Variants in BRIP1 observed in about 807,000 individuals in gnomAD.
The protein encoded by BRIP1 is BRCA1 interacting DNA helicase 1.
A neutral mutation model predicts 119.7 loss-of-function variants in BRIP1; 88 were observed. The observed-to-expected ratio is 0.74, with a 90% CI of 0.62 to 0.88. The LOEUF is 0.88. BRIP1 is among the 40% of genes least tolerant of loss of function. BRIP1 has a pLI of 0.00. For missense variants in BRIP1, 1,259 were observed against 1,455.4 expected (o/e 0.87, Z 2.20); for synonymous variants, 443 against 496.5 (o/e 0.89, Z 1.43).
chr17:61,808,633 C>T lies in BRIP1; in HGVS notation c.752G>A (p.Arg251His), dbSNP rs780834054. ...AATCTGAGCAATCTGCTTGTGTGTG[C>T]GTGTCCCAAAATATATTTTGGGTAT... is the stretch of plus-strand genomic sequence containing the variant. ...SKIPKIYFGTRTHKQIAQITR... is the reference protein window; with the variant it reads ...SKIPKIYFGTHTHKQIAQITR... Residue 251 changes from arginine (R) to histidine (H), a missense_variant, in exon 7 of 20, where the codon CGC (arginine) becomes CAC (histidine). By Grantham distance (29) the Arg-to-His change is conservative (BLOSUM62 0). Coordinates refer to ENST00000259008, the MANE Select transcript of BRIP1 (RefSeq NM_032043.3). This position sits in a 1 kb window ranked among gnomAD's most constrained non-coding sequence, Gnocchi z 4.1. 16 of 1,613,738 alleles carry T rather than the reference C, an allele frequency of 9.9e-6. No individual in the cohort carries two copies. Among genetic ancestry groups the T allele is most frequent in the East Asian group, 2.2e-5 (1 of 44,872 alleles).
Position 61,720,509 on chromosome 17 carries a change from GGTCAACT to G in BRIP1, c.2380-4453_2380-4447del, listed in dbSNP as rs2061956000. Among the ~76,000 whole-genome samples, 1 of 152,036 alleles carries G rather than the reference GGTCAACT, an allele frequency of 6.6e-6. No homozygotes were observed. The highest frequency in any genetic ancestry group is 1.5e-5 in the Non-Finnish European group (1 of 68,014). On this transcript the variant is annotated intron_variant, in intron 16 of 19. Coordinates refer to ENST00000259008, the MANE Select transcript of BRIP1 (RefSeq NM_032043.3). The surrounding 1 kb of genome is among the most constrained non-coding windows in gnomAD (Gnocchi z 4.3). Reference sequence around the variant, plus strand: ...ATCTGCAGTGGTTTAAGTTAACTGCGGTCAACTGTGGTCCAAAAATATTAAATAAAAA... The same window carrying G: ...ATCTGCAGTGGTTTAAGTTAACTGCGGTGGTCCAAAAATATTAAATAAAAA...
chr17:61,688,503 T>C (rs904928452), intron 18 of BRIP1, among the ~76,000 whole-genome samples: 11 of 151,548 alleles, frequency 7.3e-5, no homozygotes, highest in Admixed American at 7.2e-4. Flanking sequence ...ACCAAGCAAA[T>C]ATTTCTAATA....
rs2061607303 is a variant in BRIP1 at position 61,701,093 on chromosome 17, T to C, written c.2493-7581A>G. The stretch of plus-strand genomic sequence containing the variant: ...TGACACAGTTTGCTTAGTTATTGAA[T>C]GTATTTGAACTAGCTTTCTCTCCTA... On this transcript the variant is annotated intron_variant, in intron 17 of 19. Transcript: ENST00000259008. The surrounding 1 kb of genome is among the most constrained non-coding windows in gnomAD (Gnocchi z 5.1). Among the ~76,000 whole-genome samples the C allele has an allele frequency of 6.6e-6, 1 of 152,198 alleles. No individual in the cohort carries two copies. The highest frequency in any genetic ancestry group is 1.9e-4 in the East Asian group (1 of 5,198).
At chr17:61,694,253 A>G (rs1477043310) in intron 17 of BRIP1, among the ~76,000 whole-genome samples, 1 of 152,092 alleles carries the variant, frequency 6.6e-6, no homozygotes, top group Non-Finnish European at 1.5e-5. Flanking sequence ...AATTATCCCA[A>G]TTATTCCCCA....
In BRIP1 at chr17:61,848,714, C is replaced by T. The variant is rs1603362340; in HGVS notation, c.507+415G>A. Among the ~76,000 whole-genome samples the T allele has an allele frequency of 2.0e-5, 3 of 152,176 alleles. No individual in the cohort carries two copies. Among genetic ancestry groups the T allele is most frequent in the Admixed American group, 6.5e-5 (1 of 15,278 alleles). ...CAATCTTAAAAACTCAGTAAGAATA[C>T]ATCTTGTCATTACATTAAAACTATC... is the stretch of plus-strand genomic sequence containing the variant. On this transcript the variant is annotated intron_variant, in intron 5 of 19. Transcript: ENST00000259008. This position sits in a 1 kb window ranked among gnomAD's most constrained non-coding sequence, Gnocchi z 4.3.
chr17:61,727,513 T>C (rs1376050920), intron 16 of BRIP1, among the ~76,000 whole-genome samples: 2 of 152,050 alleles, frequency 1.3e-5, no homozygotes, highest in Non-Finnish European at 2.9e-5. Context: ...ACGTTTATAA[T>C]CCCAGCACTT....
Position 61,827,491 on chromosome 17 carries a change from G to A in BRIP1, c.628-18734C>T, listed in dbSNP as rs2078427490. The stretch of plus-strand genomic sequence containing the variant: ...CACCTGTAATCTCAGTACTTTGAGA[G>A]GTAAGGCAGGAGGATCACTTGAGAC... On this transcript the variant is annotated intron_variant, in intron 6 of 19. Transcript: ENST00000259008. This position sits in a 1 kb window ranked among gnomAD's most constrained non-coding sequence, Gnocchi z 5.8. Among the ~76,000 whole-genome samples, 1 of 152,184 alleles carries A rather than the reference G, an allele frequency of 6.6e-6. No homozygotes were observed. The highest frequency in any genetic ancestry group is 6.5e-5 in the Admixed American group (1 of 15,270).
intron 14 of BRIP1, among the ~76,000 whole-genome samples, chr17:61,749,973 A>T (rs2077110607): frequency 6.6e-6 from 1 of 152,222 alleles, no homozygotes. Flanking sequence ...TCTGTAAATA[A>T]GGACAATTTT....
At position 61,845,978 on chromosome 17, in the gene BRIP1, C is replaced by G. The variant is rs1484775141; in HGVS notation, c.627+1123G>C. ...TGGGCGGATCACGAGGTCAGAAGAT[C>G]GAGACCATCCTGGCTAACGTGGTGA... On this transcript the variant is annotated intron_variant, in intron 6 of 19. Coordinates refer to ENST00000259008, the MANE Select transcript of BRIP1 (RefSeq NM_032043.3). This position sits in a 1 kb window ranked among gnomAD's most constrained non-coding sequence, Gnocchi z 4.2. 1.3e-5 allele frequency among the ~76,000 whole-genome samples: 2 copies of G among 151,762 alleles called. No individual in the cohort carries two copies. The highest frequency in any genetic ancestry group is 4.8e-5 in the African/African-American group (2 of 41,300).
intron 16 of BRIP1, among the ~76,000 whole-genome samples, chr17:61,727,406 T>C (rs971752751): frequency 2.0e-5 from 3 of 152,182 alleles, no homozygotes; most frequent in African/African-American, 7.2e-5. Flanking sequence ...TAAAACTTTA[T>C]TACCACCACA....
At chr17:61,698,509 T>C (rs2061561478) in intron 17 of BRIP1, among the ~76,000 whole-genome samples, 1 of 152,146 alleles carries the variant, frequency 6.6e-6, no homozygotes, top group Admixed American at 6.5e-5. Flanking sequence ...TTTGTAGTTG[T>C]TGGTTTGTAG....
intron 6 of BRIP1, among the ~76,000 whole-genome samples, chr17:61,820,969 A>C (rs2145534038): frequency 6.6e-6 from 1 of 151,740 alleles, no homozygotes; most frequent in Non-Finnish European, 1.5e-5. Context: ...AAAAGAAAGA[A>C]AGAAAGAAAG....
chr17:61,782,684 A>C (rs956428914), intron 11 of BRIP1, among the ~76,000 whole-genome samples: 1 of 141,386 alleles, frequency 7.1e-6, no homozygotes, highest in Non-Finnish European at 1.5e-5. Flanking sequence ...CCAATAATTC[A>C]AAAGTGGGCA....
Position 61,699,235 on chromosome 17 carries a change from T to C in BRIP1, c.2493-5723A>G, listed in dbSNP as rs1015876105. ...AATCCATTCAGCCAAACTTTGCCTT[T>C]AGATTGGAGTATTTAATCCATTTAC... On this transcript the variant is annotated intron_variant, in intron 17 of 19. Transcript: ENST00000259008. The surrounding 1 kb of genome is among the most constrained non-coding windows in gnomAD (Gnocchi z 4.8). 6.6e-6 allele frequency among the ~76,000 whole-genome samples: 1 copy of C among 152,214 alleles called. No homozygotes were observed. Among genetic ancestry groups the C allele is most frequent in the Non-Finnish European group, 1.5e-5 (1 of 68,040 alleles).
At position 61,679,412 on chromosome 17, in the gene BRIP1, A is replaced by G. The variant is rs2061249131; in HGVS notation, c.*3884T>C. Among the ~76,000 whole-genome samples the G allele has an allele frequency of 6.6e-6, 1 of 152,154 alleles. No individual in the cohort carries two copies. The highest frequency in any genetic ancestry group is 2.1e-4 in the South Asian group (1 of 4,830). ...ACTCTTTACATTGTACCTTTATTCC[A>G]AGAATAAAGCCCTGTCTCTAACTGG... On this transcript the variant is annotated 3_prime_UTR_variant, in exon 20 of 20. Coordinates refer to ENST00000259008, the MANE Select transcript of BRIP1 (RefSeq NM_032043.3). The surrounding 1 kb of genome is among the most constrained non-coding windows in gnomAD (Gnocchi z 4.4).
rs764061653 is a variant in BRIP1, at chr17:61,744,440, C to A, written c.2249G>T (p.Gly750Val). Residue 750 changes from glycine to valine, a missense_variant, in exon 15 of 20, where the codon GGA becomes GTA. Physicochemically the swap from Gly to Val is moderately radical, Grantham distance 109 (BLOSUM62 -3). Transcript: ENST00000259008. This position sits in a 1 kb window ranked among gnomAD's most constrained non-coding sequence, Gnocchi z 5.0. ...QVYYDAIKYK[G>V]EKDGALLVAV... ...AAATAATTTCCAGTTACCTTTCTCT[C>A]CTTTGTATTTGATTGCGTCATAGTA... The A allele has an allele frequency of 1.2e-6, 2 of 1,613,798 alleles. No homozygotes were observed. Among genetic ancestry groups the A allele is most frequent in the South Asian group, 2.2e-5 (2 of 91,046 alleles).
In BRIP1 at chr17:61,689,413, C is replaced by T. The variant is rs2061414635; in HGVS notation, c.2576-3248G>A. Among the ~76,000 whole-genome samples the T allele has an allele frequency of 6.6e-6, 1 of 152,102 alleles. No homozygotes were observed. The highest frequency in any genetic ancestry group is 1.5e-5 in the Non-Finnish European group (1 of 68,012). On this transcript the variant is annotated intron_variant, in intron 18 of 19. Coordinates refer to ENST00000259008, the MANE Select transcript of BRIP1 (RefSeq NM_032043.3). This position sits in a 1 kb window ranked among gnomAD's most constrained non-coding sequence, Gnocchi z 4.5. ...AAAAAAAAGTGAAGGCTTATGGCTT[C>T]ATTTATGACTTGACTTATGGGGCAC...
At chr17:61,698,163 A>G (rs751722579) in intron 17 of BRIP1, among the ~76,000 whole-genome samples, 1 of 152,144 alleles carries the variant, frequency 6.6e-6, no homozygotes, top group Admixed American at 6.5e-5. Flanking sequence ...TGTGTCCCCA[A>G]AATTTTGGGA....
At position 61,685,819 on chromosome 17, in the gene BRIP1, G is replaced by C. The variant is rs1458780264; in HGVS notation, c.2905+17C>G. 2 of 1,579,610 alleles carry C rather than the reference G, an allele frequency of 1.3e-6. No homozygotes were observed. The highest frequency in any genetic ancestry group is 1.7e-6 in the Non-Finnish European group (2 of 1,150,348). ...AAGACTTCTCTATCAAAGGTAAATG[G>C]GAAGAACTTTTCATACTTTTCTCCT... On this transcript the variant is annotated intron_variant, in intron 19 of 19. Transcript: ENST00000259008.
Sources: allele counts gnomAD v4.1 joint callset (sites outside exome capture counted in the v4.1 genomes callset), GRCh38; gene constraint gnomAD v4.1.1; non-coding constraint Gnocchi (gnomAD v3.1); transcripts MANE v1.5; gene names NCBI Gene and HGNC (gene_info 2026-07-23, HGNC 2026-07-21).